The following SLC25A26 variants were observed in gnomAD, a reference collection of about 807,000 sequenced individuals.
SLC25A26 encodes the protein solute carrier family 25 member 26, also known as mitochondrial S-adenosylmethionine carrier protein.
In SLC25A26, 36 loss-of-function variants were observed where a neutral mutation model predicts 37.8. The ratio of observed to expected loss-of-function variants is 0.95; its 90% CI spans 0.73 to 1.26. The LOEUF is 1.26. SLC25A26 is among the 50% of genes most tolerant of loss of function. The probability of loss-of-function intolerance (pLI) is 0.00; values close to 1 mark genes in which losing one functional copy is unlikely to be tolerated. For synonymous variants in SLC25A26, 129 were observed against 122.5 expected (o/e 1.05, Z -0.35); for missense variants, 390 against 331.1 (o/e 1.18, Z -1.38).
intron 6 of SLC25A26, among the ~76,000 whole-genome samples, chr3:66,350,511 G>T (rs2076425323): frequency 6.6e-6 from 1 of 152,022 alleles, no homozygotes; most frequent in Non-Finnish European, 1.5e-5. Context: ...CATCCTAATA[G>T]GCTCTCTTCT....
At chr3:66,221,186 GC>G in intron 1 of SLC25A26, 59 bp downstream of exon 1, 3 of 1,479,268 alleles carry the variant, frequency 2.0e-6, no homozygotes, top group Non-Finnish European at 2.7e-6. Flanking sequence ...ATTGGAGCCC[GC>G]GGGCGTTCTC....
chr3:66,273,335 T>C (rs991687686), intron 5 of SLC25A26, among the ~76,000 whole-genome samples: 11 of 152,172 alleles, frequency 7.2e-5, no homozygotes, highest in African/African-American at 2.7e-4. Context: ...ATTCCCTTTT[T>C]CTATTGATTG....
chr3:66,241,358 A>G lies in SLC25A26; in HGVS notation c.191-1845A>G, dbSNP rs565513207. Among the ~76,000 whole-genome samples the G allele has an allele frequency of 6.5e-4, 99 of 152,342 alleles. No homozygotes were observed. The Middle Eastern group carries it at 0.01, about 16-fold the overall frequency. On this transcript the variant is annotated intron_variant, in intron 2 of 9. Transcript: ENST00000354883. ...CTAGGGAATTGCAAAGAAACATGTC[A>G]CAAAGTCCCTATCTTTTGGTCACCA...
chr3:66,363,447 C>T (rs923347718), intron 7 of SLC25A26, among the ~76,000 whole-genome samples: 9 of 152,212 alleles, frequency 5.9e-5, no homozygotes, highest in African/African-American at 2.2e-4. Flanking sequence ...ATCTACACAT[C>T]TGGGCATTTT....
intron 1 of SLC25A26, among the ~76,000 whole-genome samples, chr3:66,172,770 C>T (rs1279293683): frequency 6.6e-6 from 1 of 152,170 alleles, no homozygotes; most frequent in Non-Finnish European, 1.5e-5. Flanking sequence ...GGTGTTCCCT[C>T]ACATGCAGCA....
Position 66,221,098 on chromosome 3 carries a change from G to T in SLC25A26, c.4G>T (p.Asp2Tyr), listed in dbSNP as rs531650947. The T allele has an allele frequency of 1.8e-5, 28 of 1,533,810 alleles. No individual in the cohort carries two copies. In the South Asian group the frequency reaches 3.0e-4, roughly 16 times the overall value. MDRPGFVAALVA... is the reference protein window; with the variant it reads MYRPGFVAALVA... ...CCTTGACGAGGTCTGAGCGACCATG[G>T]ACCGGCCGGGGTTCGTGGCAGCGCT... Residue 2 changes from aspartate (D) to tyrosine (Y), a missense_variant, in exon 1 of 10, where the codon GAC becomes TAC. By Grantham distance (160) the Asp-to-Tyr change is radical. Coordinates refer to ENST00000354883, the MANE Select transcript of SLC25A26 (RefSeq NM_001379210.1).
chr3:66,320,261 C>A (rs917285833), intron 5 of SLC25A26, among the ~76,000 whole-genome samples: 1 of 152,118 alleles, frequency 6.6e-6, no homozygotes, highest in South Asian at 2.1e-4. Flanking sequence ...AATAACTCCC[C>A]ACTCTCCCCT....
intron 9 of SLC25A26, among the ~76,000 whole-genome samples, chr3:66,372,836 C>G (rs1427688921): frequency 5.3e-5 from 8 of 152,180 alleles, no homozygotes; most frequent in Admixed American, 5.2e-4. Context: ...GCACACAGCG[C>G]TGCTGCCACC....
chr3:66,365,771 G>T (rs1402974801), intron 7 of SLC25A26, among the ~76,000 whole-genome samples: 1 of 152,136 alleles, frequency 6.6e-6, no homozygotes, highest in African/African-American at 2.4e-5. Flanking sequence ...TTGTTGATGG[G>T]GAAGTCTTCC....
intron 1 of SLC25A26, among the ~76,000 whole-genome samples, chr3:66,156,889 TCCATGG>T (rs1406710358): frequency 6.6e-6 from 1 of 152,032 alleles, no homozygotes; most frequent in Non-Finnish European, 1.5e-5. Flanking sequence ...CCAACAGGCT[TCCATGG>T]AAAGGATGCA....
intron 5 of SLC25A26, among the ~76,000 whole-genome samples, chr3:66,332,633 A>G (rs1245369457): frequency 6.6e-6 from 1 of 152,008 alleles, no homozygotes; most frequent in East Asian, 1.9e-4. Context: ...GCTGGTCTTG[A>G]ACTCCTGAAC....
At chr3:66,143,245 G>T (rs1311017187) in intron 1 of SLC25A26, among the ~76,000 whole-genome samples, 1 of 151,968 alleles carries the variant, frequency 6.6e-6, no homozygotes, top group Non-Finnish European at 1.5e-5. Flanking sequence ...TTTGTTGATG[G>T]ACATTTAAGT....
rs546539897 is a variant in SLC25A26, at chr3:66,369,512, C to G, written c.603C>G (p.Asp201Glu). ...GFAAAVTTPL[D>E]VAKTRITLAK... is the part of the protein sequence containing the mutation. ...CCGCTGCAGTCACCACCCCTCTAGA[C>G]GTGGCAAAGACAAGAATTACGCTGG... The change falls in exon 8 of 10, where the codon GAC becomes GAG. Residue 201 changes from aspartate (D) to glutamate (E), a missense_variant. Asp to Glu is a conservative substitution (Grantham distance 45). Coordinates refer to ENST00000354883, the MANE Select transcript of SLC25A26 (RefSeq NM_001379210.1). 7 of 1,604,496 alleles carry G rather than the reference C, an allele frequency of 4.4e-6. No homozygotes were observed.
chr3:66,250,391 G>T (rs1198760851), intron 3 of SLC25A26, among the ~76,000 whole-genome samples: 1 of 152,158 alleles, frequency 6.6e-6, no homozygotes, highest in Non-Finnish European at 1.5e-5. Context: ...AACTATAGAC[G>T]GTCCGTGACT....
chr3:66,371,845 C>T lies in SLC25A26; in HGVS notation c.707+1243C>T, dbSNP rs569812646. The stretch of plus-strand genomic sequence containing the variant: ...GGGTGCGGGGCTCACACCTGTAATC[C>T]CAGCACTTTGGGAGGCTGAAGCAGG... On this transcript the variant is annotated intron_variant, in intron 9 of 9. Coordinates refer to ENST00000354883, the MANE Select transcript of SLC25A26 (RefSeq NM_001379210.1). Among the ~76,000 whole-genome samples the T allele has an allele frequency of 2.0e-5, 3 of 152,212 alleles. No individual in the cohort carries two copies. The South Asian group carries it at 6.2e-4, about 32-fold the overall frequency.
intron 6 of SLC25A26, among the ~76,000 whole-genome samples, chr3:66,354,622 A>G (rs1035561226): frequency 7.2e-5 from 11 of 152,158 alleles, no homozygotes; most frequent in Non-Finnish European, 1.2e-4. Flanking sequence ...ACCCACAACA[A>G]ATTTCTCTGA....
intron 7 of SLC25A26, among the ~76,000 whole-genome samples, chr3:66,364,013 GA>G (rs2076771396): frequency 6.6e-6 from 1 of 151,684 alleles, no homozygotes; most frequent in Non-Finnish European, 1.5e-5. Context: ...CAGTCCCTAA[GA>G]GAGATGTGCA....
chr3:66,370,545 C>A lies in SLC25A26; in HGVS notation c.650C>A (p.Ala217Asp), dbSNP rs529899385. 6.2e-7 allele frequency: 1 copy of A among 1,613,882 alleles called. No homozygotes were observed. The highest frequency in any genetic ancestry group is 1.7e-5 in the Admixed American group (1 of 60,010). Residue 217 changes from alanine to aspartate, a missense_variant, in exon 9 of 10, where the codon GCT becomes GAT. Transcript: ENST00000354883. Reference protein sequence around the residue: ...ITLAKAGSSTADGNVLSVLHG... With the variant: ...ITLAKAGSSTDDGNVLSVLHG... ...TTCACACAGGCTGGCTCCAGCACTG[C>A]TGATGGGAATGTGCTCTCTGTCCTG...
chr3:66,218,432 T>C (rs1196801489), upstream of SLC25A26, among the ~76,000 whole-genome samples: 2 of 152,230 alleles, frequency 1.3e-5, no homozygotes, highest in Non-Finnish European at 2.9e-5. Flanking sequence ...TTCTCATCCT[T>C]GTCAACACTT....
Sources: gnomAD v4.1 joint callset for allele counts (sites outside exome capture counted in the v4.1 genomes callset) on GRCh38, gnomAD v4.1.1 for gene constraint, MANE v1.5 for transcripts, NCBI Gene and HGNC (gene_info 2026-07-23, HGNC 2026-07-21) for gene names.